Variants in NSG2 observed in about 807,000 individuals in gnomAD.
NSG2 encodes neuronal vesicle trafficking associated 2.
NSG2 carries 4 observed loss-of-function variants against 16.9 expected under a neutral mutation model. The observed-to-expected ratio is 0.24, with a 90% CI of 0.12 to 0.54. NSG2 has a LOEUF of 0.54. Ranked by LOEUF, NSG2 falls within the 20% of genes least tolerant of loss-of-function variation. The pLI is 0.95. For synonymous variants in NSG2, 98 were observed against 88.7 expected, an observed-to-expected ratio of 1.11 and a Z score of -0.59; for missense variants, 179 against 221.1, an observed-to-expected ratio of 0.81 and a Z score of 1.21.
At chr5:174,067,123 G>T (rs775794900) in intron 3 of NSG2, among the ~76,000 whole-genome samples, 1 of 151,698 alleles carries the variant, frequency 6.6e-6, no homozygotes, top group Non-Finnish European at 1.5e-5. Flanking sequence ...TTGGAGCTAT[G>T]AAAAATTACA....
chr5:174,080,504 T>G (rs1483195491), intron 3 of NSG2, among the ~76,000 whole-genome samples: 2 of 147,814 alleles, frequency 1.4e-5, no homozygotes. Context: ...TCCCTCTTTC[T>G]TTCTTTCCCT....
chr5:174,065,989 A>T (rs1487975301), intron 3 of NSG2, among the ~76,000 whole-genome samples: 1 of 152,200 alleles, frequency 6.6e-6, no homozygotes, highest in Non-Finnish European at 1.5e-5. Flanking sequence ...GTGGTTGGTT[A>T]TCTGGGAATT....
chr5:174,078,417 A>G (rs138122656), intron 3 of NSG2, among the ~76,000 whole-genome samples: 1 of 152,286 alleles, frequency 6.6e-6, no homozygotes, highest in Non-Finnish European at 1.5e-5. Context: ...ATCTTTCCAC[A>G]TCAGCACATT....
At chr5:174,091,192 GA>G (rs1218977720) in intron 3 of NSG2, 3 of 152,314 alleles carry the variant, frequency 2.0e-5, no homozygotes, top group African/African-American at 4.8e-5. Flanking sequence ...GGTTGGCGGG[GA>G]TGCAGTGAGA....
chr5:174,090,418 A>C (rs1049401516), intron 3 of NSG2, among the ~76,000 whole-genome samples: 2 of 152,268 alleles, frequency 1.3e-5, no homozygotes, highest in African/African-American at 4.8e-5. Flanking sequence ...GGGGCTGGTC[A>C]CATAGGCACT....
chr5:174,097,166 C>T lies in NSG2; in HGVS notation c.214-7062C>T, dbSNP rs900378329. ...GGTCGCTGTGACTGTAGTCCCGGCA[C>T]ATCTTTGCCAGAGTCGCCAACTCTG... On this transcript the variant is annotated intron_variant, in intron 3 of 4. Coordinates refer to ENST00000303177, the MANE Select transcript of NSG2 (RefSeq NM_015980.5). Among the ~76,000 whole-genome samples, 4 of 152,272 alleles carry T rather than the reference C, an allele frequency of 2.6e-5. No individual in the cohort carries two copies. In the East Asian group the frequency reaches 7.8e-4, roughly 30 times the overall value.
chr5:174,069,934 C>T (rs916838485), intron 3 of NSG2, among the ~76,000 whole-genome samples: 12 of 148,066 alleles, frequency 8.1e-5, no homozygotes, highest in African/African-American at 2.8e-4. Context: ...CTGGAGTGCA[C>T]TAGCATGATC....
At chr5:174,083,731 G>A (rs189309763) in intron 3 of NSG2, among the ~76,000 whole-genome samples, 1 of 152,328 alleles carries the variant, frequency 6.6e-6, no homozygotes, top group Admixed American at 6.5e-5. Context: ...TTCAGTAAAT[G>A]GAGGGAGAAC....
intron 4 of NSG2, among the ~76,000 whole-genome samples, chr5:174,106,944 A>G (rs1760992725): frequency 6.6e-6 from 1 of 152,206 alleles, no homozygotes; most frequent in African/African-American, 2.4e-5. Flanking sequence ...CAGGAAATAA[A>G]TAGTCATTGG....
At position 174,088,768 on chromosome 5, in the gene NSG2, T is replaced by C. The variant is rs145657766; in HGVS notation, c.214-15460T>C. 7.2e-5 allele frequency among the ~76,000 whole-genome samples: 11 copies of C among 152,296 alleles called. No homozygotes were observed. In the East Asian group the frequency reaches 1.9e-3, roughly 27 times the overall value. The stretch of plus-strand genomic sequence containing the variant: ...CAAGGTGGCTATTAGGATTCTCGTT[T>C]CCAGATAAGACAGCTGAGCCCAGGA... On this transcript the variant is annotated intron_variant, in intron 3 of 4. Transcript: ENST00000303177.
intron 2 of NSG2, among the ~76,000 whole-genome samples, chr5:174,055,880 C>A (rs1233420289): frequency 6.6e-6 from 1 of 152,214 alleles, no homozygotes; most frequent in African/African-American, 2.4e-5. Context: ...TTGGACAACA[C>A]TGCCACTAAA....
At chr5:174,088,443 A>G (rs1303309437) in intron 3 of NSG2, among the ~76,000 whole-genome samples, 1 of 152,180 alleles carries the variant, frequency 6.6e-6, no homozygotes, top group African/African-American at 2.4e-5. Context: ...GATTAGGCCA[A>G]ATAGACCAAC....
At chr5:174,090,800 A>C (rs1396429880) in intron 3 of NSG2, among the ~76,000 whole-genome samples, 1 of 152,218 alleles carries the variant, frequency 6.6e-6, no homozygotes, top group African/African-American at 2.4e-5. Context: ...CGTCTTCCCC[A>C]ACATGGCTGA....
chr5:174,098,774 C>T (rs952733954), intron 3 of NSG2, among the ~76,000 whole-genome samples: 4 of 152,122 alleles, frequency 2.6e-5, no homozygotes, highest in African/African-American at 4.8e-5. Flanking sequence ...TCTCAGTGAG[C>T]GGACGATGAG....
chr5:174,080,848 CCACCACGCCTGG>C (rs1433798564), intron 3 of NSG2, among the ~76,000 whole-genome samples: 1 of 152,138 alleles, frequency 6.6e-6, no homozygotes, highest in Non-Finnish European at 1.5e-5. Flanking sequence ...CAGATGTGAG[CCACCACGCCTGG>C]CGTAAAATAT....
At position 174,088,678 on chromosome 5, in the gene NSG2, C is replaced by G. The variant is rs1329148361; in HGVS notation, c.214-15550C>G. On this transcript the variant is annotated intron_variant, in intron 3 of 4. Transcript: ENST00000303177. ...GATCCTTGGTCTCTGGGCACCTGCTCTATGCCAGGCGCTGGGCTTGGCATT... is the reference window on the plus strand; with the variant it reads ...GATCCTTGGTCTCTGGGCACCTGCTGTATGCCAGGCGCTGGGCTTGGCATT... Among the ~76,000 whole-genome samples the G allele has an allele frequency of 5.9e-5, 9 of 152,212 alleles. 1 individual carries two copies. In the East Asian group the frequency reaches 1.7e-3, roughly 29 times the overall value.
intron 3 of NSG2, among the ~76,000 whole-genome samples, chr5:174,097,523 ATGTG>A (rs1383594346): frequency 7.0e-6 from 1 of 143,528 alleles, no homozygotes; most frequent in Non-Finnish European, 1.5e-5. Context: ...GTGTCTCTGT[ATGTG>A]TGTAACTATA....
At chr5:174,090,801 A>G (rs6873528) in intron 3 of NSG2, among the ~76,000 whole-genome samples, 18,353 of 152,194 alleles carry the variant, frequency 0.12, 1,605 homozygotes, top group African/African-American at 0.24. Flanking sequence ...GTCTTCCCCA[A>G]CATGGCTGAC....
chr5:174,070,827 A>G (rs1760226280), intron 3 of NSG2, among the ~76,000 whole-genome samples: 1 of 151,872 alleles, frequency 6.6e-6, no homozygotes, highest in African/African-American at 2.4e-5. Flanking sequence ...CTAGCTTCTG[A>G]TCCCTGGAGG....
Sources: gnomAD v4.1 joint callset for allele counts (sites outside exome capture counted in the v4.1 genomes callset) on GRCh38, gnomAD v4.1.1 for gene constraint, MANE v1.5 for transcripts, NCBI Gene and HGNC (gene_info 2026-07-23, HGNC 2026-07-21) for gene names.